Variants in SLC24A3 observed in about 807,000 individuals in gnomAD.
SLC24A3 encodes the protein solute carrier family 24 member 3, also known as sodium/potassium/calcium exchanger 3.
SLC24A3 carries 28 observed loss-of-function variants against 75.8 expected under a neutral mutation model. That is an observed-to-expected ratio of 0.37 (90% CI 0.27 to 0.51). The LOEUF (loss-of-function observed/expected upper bound fraction) is 0.51. Among genes scored for constraint, SLC24A3 ranks in the 20% least tolerant of loss-of-function variants. The probability of loss-of-function intolerance (pLI) is 0.94; values close to 1 mark genes in which losing one functional copy is unlikely to be tolerated. For missense variants in SLC24A3, 663 were observed against 847.8 expected (o/e 0.78, Z 2.71); for synonymous variants, 372 against 334.1 (o/e 1.11, Z -1.24).
chr20:19,326,896 C>A (rs920942910), intron 2 of SLC24A3, among the ~76,000 whole-genome samples: 5 of 152,116 alleles, frequency 3.3e-5, no homozygotes, highest in African/African-American at 1.2e-4. Flanking sequence ...CTTTGTTTTA[C>A]AGAAATAGAT....
chr20:19,722,866 G>A lies in SLC24A3; in HGVS notation c.*1726G>A, dbSNP rs1025296572. 1 of 152,560 alleles carries A rather than the reference G, an allele frequency of 6.6e-6. No individual in the cohort carries two copies. The highest frequency in any genetic ancestry group is 6.6e-5 in the Admixed American group (1 of 15,266). The allele number at this position is 152,560 out of a possible 1,614,324, so 9.5% of individuals were successfully genotyped here. Reference sequence around the variant, plus strand: ...GTTTATGGCGATTGTTTTCTTGGACGGATAGTGTAAAATAAACTTCTCTGT... The same window carrying A: ...GTTTATGGCGATTGTTTTCTTGGACAGATAGTGTAAAATAAACTTCTCTGT... On this transcript the variant is annotated 3_prime_UTR_variant, in exon 17 of 17. Coordinates refer to ENST00000328041, the MANE Select transcript of SLC24A3 (RefSeq NM_020689.4).
intron 12 of SLC24A3, among the ~76,000 whole-genome samples, chr20:19,691,563 G>A (rs1440054465): frequency 6.6e-6 from 1 of 152,196 alleles, no homozygotes; most frequent in East Asian, 1.9e-4. Context: ...CAAACAGATG[G>A]AGGTAGGATA....
chr20:19,467,085 G>T (rs1180625496), intron 2 of SLC24A3, among the ~76,000 whole-genome samples: 1 of 152,200 alleles, frequency 6.6e-6, no homozygotes, highest in Non-Finnish European at 1.5e-5. Flanking sequence ...GCACAGCAGT[G>T]ACATGAGCTT....
chr20:19,676,516 A>C lies in SLC24A3; in HGVS notation c.767+2862A>C, dbSNP rs142900441. 1.8e-4 allele frequency among the ~76,000 whole-genome samples: 28 copies of C among 152,342 alleles called. No homozygotes were observed. The East Asian group carries it at 5.2e-3, about 28-fold the overall frequency. On this transcript the variant is annotated intron_variant, in intron 9 of 16. Transcript: ENST00000328041. Reference sequence around the variant, plus strand: ...GAGGCTTTAATCATTGGGTTTTATCAAATCTGATTTATAAAATTGCATGCT... The same window carrying C: ...GAGGCTTTAATCATTGGGTTTTATCCAATCTGATTTATAAAATTGCATGCT...
At chr20:19,378,160 G>A (rs1986118877) in intron 2 of SLC24A3, among the ~76,000 whole-genome samples, 1 of 152,168 alleles carries the variant, frequency 6.6e-6, no homozygotes, top group African/African-American at 2.4e-5. Context: ...ACCCTGTAGA[G>A]CCAGGTACTT....
chr20:19,407,423 G>A (rs554770368), intron 2 of SLC24A3, among the ~76,000 whole-genome samples: 2 of 152,322 alleles, frequency 1.3e-5, no homozygotes, highest in East Asian at 3.9e-4. Context: ...TGCAGCTCCT[G>A]CTGCTTCCAG....
intron 2 of SLC24A3, among the ~76,000 whole-genome samples, chr20:19,462,051 G>A (rs1391642455): frequency 6.6e-6 from 1 of 152,152 alleles, no homozygotes; most frequent in African/African-American, 2.4e-5. Context: ...TCCGTGTACA[G>A]GTATCTTATC....
intron 2 of SLC24A3, among the ~76,000 whole-genome samples, chr20:19,446,399 A>T (rs111565252): frequency 6.6e-6 from 1 of 152,242 alleles, no homozygotes; most frequent in East Asian, 1.9e-4. Flanking sequence ...AAGGAAAAAG[A>T]TGTTAATTCT....
At chr20:19,266,520 C>T (rs908247055) in intron 1 of SLC24A3, among the ~76,000 whole-genome samples, 6 of 152,122 alleles carry the variant, frequency 3.9e-5, no homozygotes, top group Non-Finnish European at 8.8e-5. Context: ...GACAAGACAG[C>T]CTGAGAGAAA....
intron 6 of SLC24A3, among the ~76,000 whole-genome samples, chr20:19,594,427 G>T (rs1218940709): frequency 6.6e-6 from 1 of 152,202 alleles, no homozygotes; most frequent in Non-Finnish European, 1.5e-5. Context: ...TGAATTAAAG[G>T]TGGTTTGTCT....
At chr20:19,262,087 T>G (rs73124856) in intron 1 of SLC24A3, among the ~76,000 whole-genome samples, 19,581 of 152,018 alleles carry the variant, frequency 0.13, 1,405 homozygotes, top group Non-Finnish European at 0.16. Context: ...CTGCAGCAGT[T>G]GCAAGCATCG....
intron 1 of SLC24A3, among the ~76,000 whole-genome samples, chr20:19,279,855 C>G (rs1371645891): frequency 6.6e-6 from 1 of 152,232 alleles, no homozygotes; most frequent in Non-Finnish European, 1.5e-5. Flanking sequence ...GTGCTAGAAG[C>G]TGCACTGTGC....
At chr20:19,336,141 G>C (rs1227265500) in intron 2 of SLC24A3, among the ~76,000 whole-genome samples, 1 of 152,186 alleles carries the variant, frequency 6.6e-6, no homozygotes, top group Non-Finnish European at 1.5e-5. Flanking sequence ...GGGAGTGAGG[G>C]CACCAGCATT....
At chr20:19,657,741 A>G (rs566012425) in intron 7 of SLC24A3, among the ~76,000 whole-genome samples, 3 of 152,196 alleles carry the variant, frequency 2.0e-5, no homozygotes, top group East Asian at 1.9e-4. Flanking sequence ...CAATGTCTCC[A>G]TATCTATTCC....
chr20:19,561,617 TC>T (rs1306574332), intron 3 of SLC24A3, among the ~76,000 whole-genome samples: 2 of 152,162 alleles, frequency 1.3e-5, no homozygotes, highest in Non-Finnish European at 2.9e-5. Context: ...ACTCAGTTGG[TC>T]CCAGTTTTTG....
chr20:19,219,876 G>A (rs1370452369), intron 1 of SLC24A3, among the ~76,000 whole-genome samples: 1 of 152,238 alleles, frequency 6.6e-6, no homozygotes, highest in East Asian at 1.9e-4. Context: ...TCACTTCAGA[G>A]GAGGTTGTCA....
intron 2 of SLC24A3, among the ~76,000 whole-genome samples, chr20:19,415,160 T>TG (rs1416721720): frequency 1.3e-5 from 2 of 152,162 alleles, no homozygotes; most frequent in African/African-American, 4.8e-5. Flanking sequence ...CAGGGGTCTT[T>TG]GGGAAGTGAT....
At chr20:19,310,249 C>T (rs1984427604) in intron 2 of SLC24A3, among the ~76,000 whole-genome samples, 1 of 152,116 alleles carries the variant, frequency 6.6e-6, no homozygotes, top group Non-Finnish European at 1.5e-5. Context: ...GGCCTCAGGC[C>T]CAGAGGCATC....
intron 2 of SLC24A3, among the ~76,000 whole-genome samples, chr20:19,441,576 C>T (rs1305036937): frequency 6.6e-6 from 1 of 151,936 alleles, no homozygotes; most frequent in East Asian, 1.9e-4. Context: ...ATGAAAAGTC[C>T]CCATATCCCC....
Sources: allele counts gnomAD v4.1 joint callset (sites outside exome capture counted in the v4.1 genomes callset), GRCh38; gene constraint gnomAD v4.1.1; transcripts MANE v1.5; gene names NCBI Gene and HGNC (gene_info 2026-07-23, HGNC 2026-07-21).